The following DENND3 variants were observed in gnomAD, a reference collection of about 807,000 sequenced individuals.
DENND3 encodes the protein DENN domain containing 3.
DENND3 carries 88 observed loss-of-function variants against 135.1 expected under a neutral mutation model. That is an observed-to-expected ratio of 0.65 (90% confidence interval 0.55 to 0.78). DENND3 has a LOEUF of 0.78. DENND3 is among the 30% of genes least tolerant of loss of function. The pLI, the probability that DENND3 is intolerant of heterozygous loss-of-function variation, is 0.00. For missense variants in DENND3, 1,392 were observed against 1,688.4 expected, an observed-to-expected ratio of 0.82 and a Z score of 3.08; for synonymous variants, 693 against 712.3, an observed-to-expected ratio of 0.97 and a Z score of 0.43.
At position 141,166,390 on chromosome 8, in the gene DENND3, G is replaced by A. The variant is rs1820798147; in HGVS notation, c.1753+1G>A. The A allele has an allele frequency of 6.2e-7, 1 of 1,610,060 alleles. No homozygotes were observed. Among genetic ancestry groups the A allele is most frequent in the Admixed American group, 1.7e-5 (1 of 59,976 alleles). ...GCAGGCTGTAGGGGCAGCAGCGCAG[G>A]TGAGGGCTGCCCCCCACTGTGGTGC... is the stretch of plus-strand genomic sequence containing the variant. On this transcript the variant is annotated splice_donor_variant, in intron 12 of 22. Transcript: ENST00000519811. LOFTEE classifies it high-confidence loss of function. The surrounding 1 kb of genome is among the most constrained non-coding windows in gnomAD (Gnocchi z 4.3).
In DENND3 at chr8:141,185,141, C is replaced by T; in HGVS notation, c.2947C>T (p.His983Tyr). 6.2e-7 allele frequency: 1 copy of T among 1,613,266 alleles called. No homozygotes were observed. The highest frequency in any genetic ancestry group is 1.1e-5 in the South Asian group (1 of 91,006). Reference sequence around the variant, plus strand: ...TTTTGTGCTGCTCTCCTCTTTAGGGCATCTTGACCCAGCCGAAAAAGTTGA... The same window carrying T: ...TTTTGTGCTGCTCTCCTCTTTAGGGTATCTTGACCCAGCCGAAAAAGTTGA... ...AVDVLLYTPG[H>Y]LDPAEKVEDA... Residue 983 changes from histidine to tyrosine, a missense_variant and splice_region_variant, in exon 18 of 23, where the codon CAT (histidine) becomes TAT (tyrosine). Coordinates refer to ENST00000519811, the MANE Select transcript of DENND3 (RefSeq NM_001352890.3).
chr8:141,176,330 A>G (rs2154613330), intron 14 of DENND3: 1 of 439,520 alleles, frequency 2.3e-6, no homozygotes, highest in Non-Finnish European at 4.0e-6. Context: ...GTATTTAAGG[A>G]TGTGAAAGAA....
chr8:141,167,406 G>C lies in DENND3; in HGVS notation c.1754-598G>C, dbSNP rs2154613177. ...CCTCCTGCTCTCTTGGTCCTCTGGA[G>C]CTCCTGGGAGAAGAGGAAACCCAGC... On this transcript the variant is annotated intron_variant, in intron 12 of 22. Transcript: ENST00000519811. The surrounding 1 kb of genome is among the most constrained non-coding windows in gnomAD (Gnocchi z 4.1). 6.6e-6 allele frequency among the ~76,000 whole-genome samples: 1 copy of C among 152,318 alleles called. No homozygotes were observed. Among genetic ancestry groups the C allele is most frequent in the East Asian group, 1.9e-4 (1 of 5,188 alleles).
At chr8:141,169,150 C>T (rs1052877202) in intron 13 of DENND3, among the ~76,000 whole-genome samples, 3 of 152,232 alleles carry the variant, frequency 2.0e-5, no homozygotes, top group Non-Finnish European at 2.9e-5. Context: ...TGAGCCACCG[C>T]GCCTGACCCT....
At position 141,154,197 on chromosome 8, in the gene DENND3, G is replaced by T. The variant is rs1249696196; in HGVS notation, c.1075-1652G>T. ...CCAAAGGGCGGGGCCCAGAATGAGA[G>T]CCGGGGAGTCGGGGCCTTCCCCAGG... On this transcript the variant is annotated intron_variant, in intron 7 of 22. Transcript: ENST00000519811. The surrounding 1 kb of genome is among the most constrained non-coding windows in gnomAD (Gnocchi z 4.4). Among the ~76,000 whole-genome samples the T allele has an allele frequency of 6.6e-6, 1 of 152,274 alleles. No homozygotes were observed. Among genetic ancestry groups the T allele is most frequent in the African/African-American group, 2.4e-5 (1 of 41,474 alleles).
At chr8:141,132,186 G>A (rs894709003) in intron 1 of DENND3, among the ~76,000 whole-genome samples, 1 of 152,130 alleles carries the variant, frequency 6.6e-6, no homozygotes, top group Non-Finnish European at 1.5e-5. Flanking sequence ...AACCTGTTAT[G>A]TAGGATGACT....
chr8:141,168,476 C>G lies in DENND3; in HGVS notation c.2226C>G (p.Ile742Met). 1.2e-6 allele frequency: 2 copies of G among 1,613,356 alleles called. No individual in the cohort carries two copies. Among genetic ancestry groups the G allele is most frequent in the Non-Finnish European group, 1.7e-6 (2 of 1,179,852 alleles). The change falls in exon 13 of 23, where the codon ATC (isoleucine) becomes ATG (methionine). Residue 742 changes from isoleucine (I) to methionine (M), a missense_variant. Coordinates refer to ENST00000519811, the MANE Select transcript of DENND3 (RefSeq NM_001352890.3). This position sits in a 1 kb window ranked among gnomAD's most constrained non-coding sequence, Gnocchi z 6.2. ...TGAAGCGGGTCCAGGAGTCAGGGATCGTGAAGGACGCCAGCATCATACACC... is the reference window on the plus strand; with the variant it reads ...TGAAGCGGGTCCAGGAGTCAGGGATGGTGAAGGACGCCAGCATCATACACC... ...DFMKRVQESG[I>M]VKDASIIHRL...
chr8:141,156,039 G>A, intron 8 of DENND3, 69 bp downstream of exon 8: 3 of 1,489,270 alleles, frequency 2.0e-6, no homozygotes, highest in Non-Finnish European at 2.7e-6. Context: ...GCCACTTCGA[G>A]TATCTTTTCC....
intron 19 of DENND3, 102 bp from the exon 20 acceptor site, chr8:141,190,180 GCA>G (rs1365852006): frequency 7.1e-7 from 1 of 1,406,286 alleles, no homozygotes; most frequent in African/African-American, 1.5e-5. Flanking sequence ...TCCGTGTTGA[GCA>G]CATTTTCTCT....
chr8:141,136,947 TG>T, intron 2 of DENND3, among the ~76,000 whole-genome samples, 156 bp downstream of exon 2: 1 of 152,294 alleles, frequency 6.6e-6, no homozygotes, highest in Admixed American at 6.5e-5. Flanking sequence ...TTCTTAATCT[TG>T]GGGATTTTTT....
chr8:141,191,785 TC>T (rs1398159909), intron 20 of DENND3: 1 of 152,856 alleles, frequency 6.5e-6, no homozygotes, highest in Admixed American at 6.5e-5. Flanking sequence ...CGGTTGTCCT[TC>T]TTCCCCTCAT....
chr8:141,158,408 A>G (rs968380327), intron 8 of DENND3: 12 of 1,128,248 alleles, frequency 1.1e-5, no homozygotes, highest in Non-Finnish European at 1.3e-5. Flanking sequence ...CTGCATCCTC[A>G]TCTTCTTGTT....
At chr8:141,176,276 C>T (rs887110820) in intron 14 of DENND3, 2 of 159,362 alleles carry the variant, frequency 1.3e-5, no homozygotes, top group East Asian at 1.3e-4. Flanking sequence ...TAAAAAAAAA[C>T]AAAAACAAAA....
rs1414428687 is a variant in DENND3, at chr8:141,167,649, A to G, written c.1754-355A>G. 6.6e-6 allele frequency among the ~76,000 whole-genome samples: 1 copy of G among 152,212 alleles called. No individual in the cohort carries two copies. The highest frequency in any genetic ancestry group is 1.5e-5 in the Non-Finnish European group (1 of 68,036). On this transcript the variant is annotated intron_variant, in intron 12 of 22. Transcript: ENST00000519811. The surrounding 1 kb of genome is among the most constrained non-coding windows in gnomAD (Gnocchi z 4.1). ...AGTTGTCTTTAAGGTAAATGAAACA[A>G]TGGTTCTAAAGGGCTTCATCCTGCC...
rs1031123512 is a variant in DENND3, at chr8:141,168,699, C to T, written c.2275+174C>T. 2.0e-5 allele frequency among the ~76,000 whole-genome samples: 3 copies of T among 151,996 alleles called. No homozygotes were observed. Among genetic ancestry groups the T allele is most frequent in the African/African-American group, 4.8e-5 (2 of 41,360 alleles). The stretch of plus-strand genomic sequence containing the variant: ...TAGCTGGGACTAGACTACAGGTACG[C>T]GACACCGTGCCCGGCTAATTTTAGT... On this transcript the variant is annotated intron_variant, in intron 13 of 22. Transcript: ENST00000519811. The surrounding 1 kb of genome is among the most constrained non-coding windows in gnomAD (Gnocchi z 6.2).
chr8:141,129,221 CG>C (rs1815613059), intron 1 of DENND3, among the ~76,000 whole-genome samples: 1 of 152,242 alleles, frequency 6.6e-6, no homozygotes. Context: ...CGGAGCCTCA[CG>C]GTCTAGCGGG....
Position 141,174,630 on chromosome 8 carries a change from T to C in DENND3, c.2276-570T>C, listed in dbSNP as rs1280592085. ...AGTGCTGGCCTCGTGGGAAGGTTAC[T>C]GCTTCTCATCAGCGGAGGTGATTTC... On this transcript the variant is annotated intron_variant, in intron 13 of 22. Transcript: ENST00000519811. This position sits in a 1 kb window ranked among gnomAD's most constrained non-coding sequence, Gnocchi z 4.6. 6.6e-6 allele frequency among the ~76,000 whole-genome samples: 1 copy of C among 152,226 alleles called. No individual in the cohort carries two copies. The highest frequency in any genetic ancestry group is 6.5e-5 in the Admixed American group (1 of 15,290).
intron 13 of DENND3, among the ~76,000 whole-genome samples, chr8:141,169,353 G>C (rs1319498508): frequency 1.3e-5 from 2 of 152,266 alleles, no homozygotes; most frequent in Non-Finnish European, 2.9e-5. Context: ...CCTGTCTCCA[G>C]GCTGGGCTCT....
rs982286577 is a variant in DENND3, at chr8:141,168,170, G to C, written c.1920G>C (p.Leu640Phe). ...ACTCTCTGCTCCTGGCCCGCTATTT[G>C]TACCTCCGAGGGCTCGTTTATCTGA... Reference protein sequence around the residue: ...PDNSLLLARYLYLRGLVYLMQ... With the variant: ...PDNSLLLARYFYLRGLVYLMQ... The change falls in exon 13 of 23, where the codon TTG (leucine) becomes TTC (phenylalanine). Residue 640 changes from leucine to phenylalanine, a missense_variant. Leu to Phe is a conservative substitution (Grantham distance 22). Transcript: ENST00000519811. The surrounding 1 kb of genome is among the most constrained non-coding windows in gnomAD (Gnocchi z 6.2). The C allele has an allele frequency of 6.2e-7, 1 of 1,614,194 alleles. No homozygotes were observed. The highest frequency in any genetic ancestry group is 8.5e-7 in the Non-Finnish European group (1 of 1,180,046).
Sources: gnomAD v4.1 joint callset for allele counts (sites outside exome capture counted in the v4.1 genomes callset) on GRCh38, gnomAD v4.1.1 for gene constraint, Gnocchi (gnomAD v3.1) non-coding constraint, MANE v1.5 for transcripts, NCBI Gene and HGNC (gene_info 2026-07-23, HGNC 2026-07-21) for gene names.